CYB5R4: variants seen among roughly 807,000 people sequenced by gnomAD.
The protein encoded by CYB5R4 is cytochrome b5 reductase 4, also known as N-terminal cytochrome b5 and cytochrome b5 oxidoreductase domain-containing protein.
In CYB5R4, 55 loss-of-function variants were observed where a neutral mutation model predicts 70.2. That is an observed-to-expected ratio of 0.78 (90% CI 0.63 to 0.98). The LOEUF is 0.98. Ranked by LOEUF, CYB5R4 falls within the 50% of genes least tolerant of loss-of-function variation. The pLI is 0.00. For synonymous variants in CYB5R4, 197 were observed against 199.5 expected (o/e 0.99, Z 0.11); for missense variants, 562 against 612.6 (o/e 0.92, Z 0.87).
chr6:83,910,112 G>C, intron 4 of CYB5R4: 1 of 1,605,094 alleles, frequency 6.2e-7, no homozygotes. Flanking sequence ...ATAGACACCA[G>C]GACCTATAGT....
intron 10 of CYB5R4, among the ~76,000 whole-genome samples, chr6:83,932,085 A>G (rs2099468236): frequency 6.6e-6 from 1 of 151,918 alleles, no homozygotes; most frequent in South Asian, 2.1e-4. Context: ...TTTGCTGAGA[A>G]TGATGGTATA....
rs5877869 is a variant in CYB5R4, at chr6:83,954,916, T to TG, written c.1347-382_1347-381insG. 3.1e-5 allele frequency among the ~76,000 whole-genome samples: 3 copies of TG among 96,092 alleles called. No individual in the cohort carries two copies. The East Asian group carries it at 1.4e-3, about 46-fold the overall frequency. 63.0% of individuals were successfully genotyped at this position (96,092 alleles called of 152,430 possible). A position where few individuals can be genotyped will look rare whatever the true frequency, so the allele number is the denominator to read the frequency against. On this transcript the variant is annotated intron_variant, in intron 14 of 15. Coordinates refer to ENST00000369681, the MANE Select transcript of CYB5R4 (RefSeq NM_016230.4). Reference sequence around the variant, plus strand: ...TTTTTTTGTTGTTGTTGTTTTTGGGTTTTTTTTTTTGTAGAAACTAGGTCT... The same window carrying TG: ...TTTTTTTGTTGTTGTTGTTTTTGGGTGTTTTTTTTTTGTAGAAACTAGGTCT...
In CYB5R4 at chr6:83,874,455, G is replaced by A. The variant is rs191160181; in HGVS notation, c.229+10127G>A. Among the ~76,000 whole-genome samples the A allele has an allele frequency of 5.9e-5, 9 of 151,374 alleles. No individual in the cohort carries two copies. The East Asian group carries it at 1.4e-3, about 23-fold the overall frequency. Reference sequence around the variant, plus strand: ...GGCCTCAAGCAATCCTCCTGCCTTGGCCTCCCAAAGTGCTGGGAATGAGCC... The same window carrying A: ...GGCCTCAAGCAATCCTCCTGCCTTGACCTCCCAAAGTGCTGGGAATGAGCC... On this transcript the variant is annotated intron_variant, in intron 2 of 15. Transcript: ENST00000369681.
intron 15 of CYB5R4, among the ~76,000 whole-genome samples, chr6:83,957,644 A>AT: frequency 6.6e-6 from 1 of 151,794 alleles, no homozygotes; most frequent in Non-Finnish European, 1.5e-5. Context: ...AAAAAAAAAA[A>AT]AATTGACCAG....
intron 2 of CYB5R4, among the ~76,000 whole-genome samples, chr6:83,867,622 A>T (rs963501601): frequency 6.6e-6 from 1 of 152,224 alleles, no homozygotes; most frequent in African/African-American, 2.4e-5. Context: ...AATAGGATGA[A>T]TGTGAGACAA....
chr6:83,926,955 G>T (rs924535820), intron 10 of CYB5R4, among the ~76,000 whole-genome samples: 1 of 152,128 alleles, frequency 6.6e-6, no homozygotes, highest in Admixed American at 6.5e-5. Context: ...TTGGTTCTTG[G>T]CTTTCTACAC....
At position 83,962,763 on chromosome 6, in the gene CYB5R4, G is replaced by A. The variant is rs958461607; in HGVS notation, c.*2885G>A. 1 of 152,222 alleles carries A rather than the reference G, an allele frequency of 6.6e-6. No individual in the cohort carries two copies. Among genetic ancestry groups the A allele is most frequent in the Non-Finnish European group, 1.5e-5 (1 of 68,046 alleles). 9.4% of individuals were successfully genotyped at this position (152,222 alleles called of 1,614,324 possible). ...TAGATTTCAGTTCCTTGCAGTTGTA[G>A]GACTGAGTTCCCCATTTCCTTGCTA... On this transcript the variant is annotated 3_prime_UTR_variant, in exon 16 of 16. Transcript: ENST00000369681.
At chr6:83,937,559 G>T (rs571064423) in intron 12 of CYB5R4, among the ~76,000 whole-genome samples, 1 of 152,260 alleles carries the variant, frequency 6.6e-6, no homozygotes, top group South Asian at 2.1e-4. Flanking sequence ...ATGGTCTGCT[G>T]CCCAGGCTGG....
At position 83,895,368 on chromosome 6, in the gene CYB5R4, G is replaced by A. The variant is rs141938151; in HGVS notation, c.330+1746G>A. 3.2e-3 allele frequency among the ~76,000 whole-genome samples: 481 copies of A among 152,196 alleles called. 3 individuals are homozygous for A. Among genetic ancestry groups the A allele is most frequent in the African/African-American group, 0.011 (445 of 41,524 alleles). On this transcript the variant is annotated intron_variant, in intron 3 of 15. Transcript: ENST00000369681. The stretch of plus-strand genomic sequence containing the variant: ...TTTAGTAGAGATGGGGTTTCGCCAC[G>A]TTGACCAGGCTGGTCTTGAACTCTT...
intron 1 of CYB5R4, among the ~76,000 whole-genome samples, chr6:83,863,964 C>T (rs918272275): frequency 6.6e-6 from 1 of 152,160 alleles, no homozygotes; most frequent in Non-Finnish European, 1.5e-5. Context: ...TACTGATAGA[C>T]TACTGTACTG....
rs1373074486 is a variant in CYB5R4, at chr6:83,934,747, A to G, written c.955+12A>G. Reference sequence around the variant, plus strand: ...GCTACCTATTACAGGTAAGGTGAATAGAGGCTTTGGGACACAATTTATTCT... The same window carrying G: ...GCTACCTATTACAGGTAAGGTGAATGGAGGCTTTGGGACACAATTTATTCT... On this transcript the variant is annotated intron_variant, in intron 11 of 15. Transcript: ENST00000369681. The G allele has an allele frequency of 3.7e-6, 6 of 1,604,930 alleles. No individual in the cohort carries two copies. The highest frequency in any genetic ancestry group is 5.1e-6 in the Non-Finnish European group (6 of 1,176,590).
chr6:83,949,767 G>A (rs2099471236), intron 14 of CYB5R4, among the ~76,000 whole-genome samples: 1 of 152,134 alleles, frequency 6.6e-6, no homozygotes, highest in African/African-American at 2.4e-5. Context: ...AAATAAAATT[G>A]TATAATGGAA....
In CYB5R4 at chr6:83,965,211, A is replaced by G. The variant is rs2099473874; in HGVS notation, c.*5333A>G. 1 of 152,288 alleles carries G rather than the reference A, an allele frequency of 6.6e-6. No homozygotes were observed. Among genetic ancestry groups the G allele is most frequent in the South Asian group, 2.1e-4 (1 of 4,830 alleles). 9.4% of individuals were successfully genotyped at this position (152,288 alleles called of 1,614,324 possible). ...ACCCCAGAATGGTAGATCGACTTAC[A>G]GCTTGTACCAGGTGCCTGGAAAAGC... On this transcript the variant is annotated 3_prime_UTR_variant, in exon 16 of 16. Coordinates refer to ENST00000369681, the MANE Select transcript of CYB5R4 (RefSeq NM_016230.4).
At chr6:83,920,559 A>AAT (rs1016003234) in intron 7 of CYB5R4, among the ~76,000 whole-genome samples, 6 of 152,074 alleles carry the variant, frequency 3.9e-5, no homozygotes, top group African/African-American at 9.7e-5. Flanking sequence ...TAATATAAAT[A>AAT]ATATATATCT....
intron 15 of CYB5R4, among the ~76,000 whole-genome samples, chr6:83,959,533 T>C (rs1168635834): frequency 6.6e-6 from 1 of 152,182 alleles, no homozygotes; most frequent in Non-Finnish European, 1.5e-5. Flanking sequence ...AAAAGACTTA[T>C]CAGCCAATCA....
At chr6:83,914,611 C>G (rs1418082481) in intron 5 of CYB5R4, among the ~76,000 whole-genome samples, 163 bp downstream of exon 5, 1 of 152,026 alleles carries the variant, frequency 6.6e-6, no homozygotes, top group Non-Finnish European at 1.5e-5. Context: ...CATCTCAGCT[C>G]ACTGTAACCT....
chr6:83,959,927 A>G lies in CYB5R4; in HGVS notation c.*49A>G. The G allele has an allele frequency of 6.9e-7, 1 of 1,445,014 alleles. No individual in the cohort carries two copies. The highest frequency in any genetic ancestry group is 9.4e-7 in the Non-Finnish European group (1 of 1,063,460). The allele number at this position is 1,445,014 out of a possible 1,614,324, so 89.5% of individuals were successfully genotyped here. The stretch of plus-strand genomic sequence containing the variant: ...TTCAACTAGTTTATCTAAATTTGTG[A>G]TTGCTTAGGGTTTTTTAAGAGAACA... On this transcript the variant is annotated 3_prime_UTR_variant, in exon 16 of 16. Transcript: ENST00000369681.
At chr6:83,879,953 T>A (rs1461267300) in intron 2 of CYB5R4, among the ~76,000 whole-genome samples, 9 of 152,182 alleles carry the variant, frequency 5.9e-5, no homozygotes. Context: ...GGGCGTGTCA[T>A]CCTTTGGAAT....
intron 4 of CYB5R4, among the ~76,000 whole-genome samples, chr6:83,909,537 TC>T (rs898240833): frequency 1.2e-4 from 18 of 152,200 alleles, no homozygotes; most frequent in African/African-American, 3.9e-4. Context: ...ACCAGTTTCT[TC>T]CCCCTAGCTC....
Sources: allele counts gnomAD v4.1 joint callset (sites outside exome capture counted in the v4.1 genomes callset), GRCh38; gene constraint gnomAD v4.1.1; transcripts MANE v1.5; gene names NCBI Gene and HGNC (gene_info 2026-07-23, HGNC 2026-07-21).